The following DNAH8 variants were observed in gnomAD, a reference collection of about 807,000 sequenced individuals.
DNAH8 encodes the protein dynein axonemal heavy chain 8.
A neutral mutation model predicts 562.1 loss-of-function variants in DNAH8; 382 were observed. The observed-to-expected ratio is 0.68, with a 90% CI of 0.63 to 0.74. The LOEUF (loss-of-function observed/expected upper bound fraction) is 0.74. Among genes scored for constraint, DNAH8 ranks in the 30% least tolerant of loss-of-function variants. DNAH8 has a pLI of 0.00. For synonymous variants in DNAH8, 1,881 were observed against 1,919.4 expected, an observed-to-expected ratio of 0.98 and a Z score of 0.52; for missense variants, 5,203 against 5,620.4, an observed-to-expected ratio of 0.93 and a Z score of 2.37.
intron 40 of DNAH8, 31 bp from the exon 41 acceptor site, chr6:38,853,155 A>G: frequency 1.3e-6 from 2 of 1,563,800 alleles, no homozygotes; most frequent in East Asian, 2.3e-5. Context: ...AATTATTATC[A>G]ATTTATAATA....
rs1395875588 is a variant in DNAH8, at chr6:38,786,765, C to T, written c.2396C>T (p.Ala799Val). 1 of 1,609,974 alleles carries T rather than the reference C, an allele frequency of 6.2e-7. No individual in the cohort carries two copies. The highest frequency in any genetic ancestry group is 8.5e-7 in the Non-Finnish European group (1 of 1,178,836). Residue 799 changes from alanine (A) to valine (V), a missense_variant and splice_region_variant, in exon 18 of 93, where the codon GCT becomes GTT. Physicochemically the swap from Ala to Val is moderately conservative, Grantham distance 64. Around this residue, in one of 6 missense-constraint regions of DNAH8, gnomAD observed 2,176 missense variants for 2,365.1 expected, o/e 0.92. Coordinates refer to ENST00000327475, the MANE Select transcript of DNAH8 (RefSeq NM_001206927.2). ...AATGTCAATCATTATTTATTTGTAGCTTTACAAGCCACGCTTTTTGTGCGA... is the reference window on the plus strand; with the variant it reads ...AATGTCAATCATTATTTATTTGTAGTTTTACAAGCCACGCTTTTTGTGCGA... ...WIREISQLHY[A>V]LQATLFVRHP...
intron 35 of DNAH8, among the ~76,000 whole-genome samples, 188 bp downstream of exon 35, chr6:38,843,091 TG>T (rs1259982523): frequency 6.6e-6 from 1 of 152,236 alleles, no homozygotes; most frequent in Non-Finnish European, 1.5e-5. Context: ...TGAGATTATA[TG>T]ATTATTTGAA....
chr6:38,980,769 T>A (rs1300317466), intron 85 of DNAH8, among the ~76,000 whole-genome samples: 1 of 152,094 alleles, frequency 6.6e-6, no homozygotes, highest in Non-Finnish European at 1.5e-5. Flanking sequence ...ATTATTATTA[T>A]TGTTGCTCTT....
intron 6 of DNAH8, among the ~76,000 whole-genome samples, 185 bp from the exon 7 acceptor site, chr6:38,737,624 A>G (rs920114494): frequency 1.3e-5 from 2 of 151,218 alleles, no homozygotes; most frequent in African/African-American, 4.8e-5. Context: ...ATTAATTAGA[A>G]TTATATTTCT....
At chr6:38,730,348 A>G (rs954750782) in intron 4 of DNAH8, among the ~76,000 whole-genome samples, 3 of 152,310 alleles carry the variant, frequency 2.0e-5, no homozygotes, top group South Asian at 2.1e-4. Context: ...CTGTGGTCCT[A>G]TCTCAGCATC....
chr6:38,729,811 A>T, intron 3 of DNAH8, 91 bp from the exon 4 acceptor site: 1 of 703,458 alleles, frequency 1.4e-6, no homozygotes, highest in Non-Finnish European at 2.4e-6. Context: ...GTACCTTTGA[A>T]TAAACTCTTT....
intron 91 of DNAH8, among the ~76,000 whole-genome samples, chr6:39,022,624 A>G (rs1257663828): frequency 6.6e-6 from 1 of 152,216 alleles, no homozygotes; most frequent in Non-Finnish European, 1.5e-5. Context: ...TGCCCTGCTC[A>G]GGGATGGGCT....
At chr6:38,789,697 G>C in intron 18 of DNAH8, 106 bp from the exon 19 acceptor site, 1 of 738,868 alleles carries the variant, frequency 1.4e-6, no homozygotes, top group Non-Finnish European at 2.2e-6. Flanking sequence ...CATGATGACA[G>C]GACTACGAGG....
intron 8 of DNAH8, among the ~76,000 whole-genome samples, chr6:38,742,234 C>T (rs1213474557): frequency 6.6e-6 from 1 of 152,124 alleles, no homozygotes; most frequent in Non-Finnish European, 1.5e-5. Context: ...ACATCTCATC[C>T]CCATGATTCT....
chr6:38,917,164 G>T, intron 68 of DNAH8, 75 bp from the exon 69 acceptor site: 1 of 1,057,462 alleles, frequency 9.5e-7, no homozygotes, highest in Non-Finnish European at 1.3e-6. Flanking sequence ...CTTAATTATT[G>T]AAAAGTATTA....
At chr6:38,726,938 A>C (rs1003237268) in intron 3 of DNAH8, among the ~76,000 whole-genome samples, 2 of 142,872 alleles carry the variant, frequency 1.4e-5, no homozygotes, top group Non-Finnish European at 3.0e-5. Flanking sequence ...GCTCACTGTA[A>C]TCTCCACCTC....
chr6:38,918,655 A>C (rs1781480944), intron 70 of DNAH8, among the ~76,000 whole-genome samples: 1 of 152,196 alleles, frequency 6.6e-6, no homozygotes, highest in Non-Finnish European at 1.5e-5. Flanking sequence ...GAAGATAATG[A>C]AAAAACATAT....
At chr6:38,771,036 T>C (rs895840597) in intron 12 of DNAH8, among the ~76,000 whole-genome samples, 1 of 152,162 alleles carries the variant, frequency 6.6e-6, no homozygotes, top group Non-Finnish European at 1.5e-5. Flanking sequence ...TTAGGACTGG[T>C]TGGGAAGGAG....
At position 38,722,954 on chromosome 6, in the gene DNAH8, C is replaced by T; in HGVS notation, c.145C>T (p.Pro49Ser). ...GGCCCCGGCAGAAGATGGTTTCTCT[C>T]CTTCCGCAGAAGATGCTGTTTCTTC... ...VEAPAEDGFSPSAEDAVSSVV... is the reference protein window; with the variant it reads ...VEAPAEDGFSSSAEDAVSSVV... The change falls in exon 2 of 93, where the codon CCT (proline) becomes TCT (serine). Residue 49 changes from proline (P) to serine (S), a missense_variant. Pro to Ser is a moderately conservative substitution (Grantham distance 74). Around this residue, in one of 6 missense-constraint regions of DNAH8, gnomAD observed 556 missense variants for 496.9 expected, o/e 1.12. Transcript: ENST00000327475. The T allele has an allele frequency of 1.2e-6, 2 of 1,612,692 alleles. No individual in the cohort carries two copies. The highest frequency in any genetic ancestry group is 1.7e-6 in the Non-Finnish European group (2 of 1,179,738).
Position 38,873,304 on chromosome 6 carries a change from A to C in DNAH8, c.7548A>C (p.Glu2516Asp), listed in dbSNP as rs777539794. ...TGACACTGTATGAGAAAGTCTTTGA[A>C]GATACATACACATATATGAAGCTAA... is the stretch of plus-strand genomic sequence containing the variant. Reference protein sequence around the residue: ...VFLTLYEKVFEDTYTYMKLNL... With the variant: ...VFLTLYEKVFDDTYTYMKLNL... The change falls in exon 52 of 93, where the codon GAA becomes GAC. Residue 2516 changes from glutamate to aspartate, a missense_variant. Around this residue, in one of 6 missense-constraint regions of DNAH8, gnomAD observed 977 missense variants for 1,061.8 expected, o/e 0.92. Coordinates refer to ENST00000327475, the MANE Select transcript of DNAH8 (RefSeq NM_001206927.2). 8 of 1,613,750 alleles carry C rather than the reference A, an allele frequency of 5.0e-6. No individual in the cohort carries two copies. Among genetic ancestry groups the C allele is most frequent in the Non-Finnish European group, 5.9e-6 (7 of 1,179,892 alleles).
intron 70 of DNAH8, among the ~76,000 whole-genome samples, chr6:38,919,791 T>G (rs1781565598): frequency 6.6e-6 from 1 of 152,146 alleles, no homozygotes; most frequent in African/African-American, 2.4e-5. Flanking sequence ...TACCAAAGCT[T>G]CTGTGATATG....
At chr6:38,839,788 G>A (rs1209257985) in intron 33 of DNAH8, among the ~76,000 whole-genome samples, 1 of 151,852 alleles carries the variant, frequency 6.6e-6, no homozygotes, top group African/African-American at 2.4e-5. Flanking sequence ...TCGGCCTCCC[G>A]AGTAGCTGGG....
chr6:38,825,598 C>T (rs1036564880), intron 28 of DNAH8, among the ~76,000 whole-genome samples: 2 of 152,086 alleles, frequency 1.3e-5, no homozygotes, highest in Admixed American at 1.3e-4. Context: ...GTGGCTCCTC[C>T]TCAAGCCTCA....
intron 39 of DNAH8, 127 bp from the exon 40 acceptor site, chr6:38,852,567 T>C (rs1365344610): frequency 1.6e-6 from 1 of 637,128 alleles, no homozygotes; most frequent in East Asian, 2.9e-5. Context: ...AGAGTCTCTC[T>C]CTATTTTTTG....
Sources: gnomAD v4.1 joint callset for allele counts (sites outside exome capture counted in the v4.1 genomes callset) on GRCh38, gnomAD v4.1.1 for gene constraint, gnomAD v4.1.1 regional missense constraint, MANE v1.5 for transcripts, NCBI Gene and HGNC (gene_info 2026-07-23, HGNC 2026-07-21) for gene names.